Variants in GIMAP7 observed in about 807,000 individuals in gnomAD.
GIMAP7 encodes the protein GTPase, IMAP family member 7, also known as GTPase IMAP family member 7.
For synonymous variants in GIMAP7, 137 were observed against 129.3 expected, an observed-to-expected ratio of 1.06 and a Z score of -0.40; for missense variants, 323 against 359.7, an observed-to-expected ratio of 0.90 and a Z score of 0.83.
intron 1 of GIMAP7, among the ~76,000 whole-genome samples, chr7:150,516,375 T>C (rs986855106): frequency 3.3e-5 from 5 of 152,248 alleles, no homozygotes; most frequent in African/African-American, 1.2e-4. Flanking sequence ...TGTTCAAATA[T>C]CTGCTCCTAT....
In GIMAP7 at chr7:150,520,796, AG is replaced by A; in HGVS notation, c.823del (p.Asp275MetfsTer30). The part of the protein sequence containing the change: ...REEAERNIFK[D>X]VFNRIWKMLS... The stretch of plus-strand genomic sequence containing the variant: ...AAGAAGCTGAGAGAAATATATTTAA[AG>A]ATGTTTTTAATAGGATTTGGAAGAT... On this transcript the variant is annotated frameshift_variant, in exon 2 of 2. Coordinates refer to ENST00000313543, the MANE Select transcript of GIMAP7 (RefSeq NM_153236.4). LOFTEE classifies it low-confidence loss of function (END_TRUNC). 2 of 1,521,810 alleles carry A rather than the reference AG, an allele frequency of 1.3e-6. No homozygotes were observed. Among genetic ancestry groups the A allele is most frequent in the Non-Finnish European group, 1.8e-6 (2 of 1,125,230 alleles). 94.3% of individuals were successfully genotyped at this position (1,521,810 alleles called of 1,614,324 possible).
At position 150,518,690 on chromosome 7, in the gene GIMAP7, T is replaced by C. The variant is rs1795158002; in HGVS notation, c.-41-1244T>C. On this transcript the variant is annotated intron_variant, in intron 1 of 1. Transcript: ENST00000313543. ...GGTGTTGTATGCCTTACATAATTTT[T>C]TGGATTTTTGTGTAATCAAACTTAT... Among the ~76,000 whole-genome samples the C allele has an allele frequency of 2.0e-5, 3 of 152,130 alleles. No individual in the cohort carries two copies. The South Asian group carries it at 6.2e-4, about 31-fold the overall frequency.
chr7:150,520,297 A>C lies in GIMAP7; in HGVS notation c.323A>C (p.Glu108Ala). 1 of 1,614,056 alleles carries C rather than the reference A, an allele frequency of 6.2e-7. No homozygotes were observed. ...CTGCTGGGCCGCTACACAGAGGAGG[A>C]GCAGAAAACCGTTGCATTGATCAAG... ...VLLLGRYTEE[E>A]QKTVALIKAV... Residue 108 changes from glutamate (E) to alanine (A), a missense_variant, in exon 2 of 2, where the codon GAG (glutamate) becomes GCG (alanine). Coordinates refer to ENST00000313543, the MANE Select transcript of GIMAP7 (RefSeq NM_153236.4).
chr7:150,520,775 A>G lies in GIMAP7; in HGVS notation c.801A>G (p.Glu267=), dbSNP rs776195394. 9 of 1,499,552 alleles carry G rather than the reference A, an allele frequency of 6.0e-6. No individual in the cohort carries two copies. The East Asian group carries it at 1.8e-4, about 30-fold the overall frequency. The allele number at this position is 1,499,552 out of a possible 1,614,324, so 92.9% of individuals were successfully genotyped here. A position where few individuals can be genotyped will look rare whatever the true frequency, so the allele number is the denominator to read the frequency against. The change falls in exon 2 of 2, where the codon GAA becomes GAG. Residue 267 remains glutamate (E), a synonymous_variant. Coordinates refer to ENST00000313543, the MANE Select transcript of GIMAP7 (RefSeq NM_153236.4). ...YDEKIKNIRE[E]AERNIFKDVF... ...AAAAAATAAAAAATATAAGGGAAGAAGCTGAGAGAAATATATTTAAAGATG... is the reference window on the plus strand; with the variant it reads ...AAAAAATAAAAAATATAAGGGAAGAGGCTGAGAGAAATATATTTAAAGATG...
chr7:150,516,081 G>C (rs1358969865), intron 1 of GIMAP7, among the ~76,000 whole-genome samples: 1 of 151,986 alleles, frequency 6.6e-6, no homozygotes, highest in African/African-American at 2.4e-5. Flanking sequence ...AGTGACCAGG[G>C]GCATGTTTCC....
intron 1 of GIMAP7, among the ~76,000 whole-genome samples, chr7:150,516,080 G>A (rs1795134606): frequency 6.6e-6 from 1 of 152,004 alleles, no homozygotes; most frequent in South Asian, 2.1e-4. Context: ...CAGTGACCAG[G>A]GGCATGTTTC....
At chr7:150,518,783 A>G (rs917307292) in intron 1 of GIMAP7, among the ~76,000 whole-genome samples, 1 of 152,078 alleles carries the variant, frequency 6.6e-6, no homozygotes, top group African/African-American at 2.4e-5. Flanking sequence ...GTTACAAAAA[A>G]TTTACCCGTG....
chr7:150,518,591 G>A (rs1795157167), intron 1 of GIMAP7, among the ~76,000 whole-genome samples: 1 of 151,970 alleles, frequency 6.6e-6, no homozygotes, highest in Admixed American at 6.6e-5. Flanking sequence ...CATACAGTAG[G>A]AAAAGTAGCC....
intron 1 of GIMAP7, among the ~76,000 whole-genome samples, chr7:150,518,849 G>A (rs752114539): frequency 2.7e-4 from 41 of 151,892 alleles, no homozygotes; most frequent in African/African-American, 9.7e-4. Flanking sequence ...GATCTATTTG[G>A]AATTTGTATG....
rs902392763 is a variant in GIMAP7, at chr7:150,514,945, G to C, written c.-42G>C. ...TGAAAATTCAACTTGTTCAAGAGAA[G>C]GTGAGCCTGGCTGAGAAGAGGGTCT... On this transcript the variant is annotated splice_region_variant and 5_prime_UTR_variant, in exon 1 of 2. Transcript: ENST00000313543. 1 of 152,594 alleles carries C rather than the reference G, an allele frequency of 6.6e-6. No individual in the cohort carries two copies. Among genetic ancestry groups the C allele is most frequent in the Non-Finnish European group, 1.5e-5 (1 of 68,216 alleles). The allele number at this position is 152,594 out of a possible 1,614,324, so 9.5% of individuals were successfully genotyped here.
At chr7:150,516,228 G>A (rs1021974379) in intron 1 of GIMAP7, among the ~76,000 whole-genome samples, 1 of 152,190 alleles carries the variant, frequency 6.6e-6, no homozygotes. Flanking sequence ...TGCAGTCTCT[G>A]CTCGATAGTG....
At chr7:150,515,959 A>C (rs1795133448) in intron 1 of GIMAP7, among the ~76,000 whole-genome samples, 1 of 152,262 alleles carries the variant, frequency 6.6e-6, no homozygotes, top group Middle Eastern at 3.4e-3. Flanking sequence ...ATTTAGAATC[A>C]TGGCCTGAGA....
At position 150,520,962 on chromosome 7, in the gene GIMAP7, T is replaced by A; in HGVS notation, c.*85T>A. On this transcript the variant is annotated 3_prime_UTR_variant, in exon 2 of 2. Transcript: ENST00000313543. ...CCTTCCCCTTAGCTTTATTAAGGTATCATTGATAAATAAAAATAAAATATG... is the reference window on the plus strand; with the variant it reads ...CCTTCCCCTTAGCTTTATTAAGGTAACATTGATAAATAAAAATAAAATATG... The A allele has an allele frequency of 1.8e-6, 1 of 546,834 alleles. No homozygotes were observed. Among genetic ancestry groups the A allele is most frequent in the South Asian group, 5.3e-5 (1 of 18,974 alleles). The allele number at this position is 546,834 out of a possible 1,614,324, so 33.9% of individuals were successfully genotyped here.
At chr7:150,518,829 T>G (rs901609740) in intron 1 of GIMAP7, among the ~76,000 whole-genome samples, 4 of 152,144 alleles carry the variant, frequency 2.6e-5, no homozygotes, top group Non-Finnish European at 4.4e-5. Context: ...GTTTTTGCAT[T>G]CAAATTTCTG....
At chr7:150,516,173 A>T (rs562630581) in intron 1 of GIMAP7, among the ~76,000 whole-genome samples, 48 of 152,346 alleles carry the variant, frequency 3.2e-4, no homozygotes, top group African/African-American at 9.6e-4. Flanking sequence ...ATTTTTGAAG[A>T]ATAAACGAGA....
At chr7:150,518,627 G>C (rs928728534) in intron 1 of GIMAP7, among the ~76,000 whole-genome samples, 1 of 138,890 alleles carries the variant, frequency 7.2e-6, no homozygotes, top group East Asian at 2.1e-4. Flanking sequence ...CGGAAAAAAT[G>C]TTTTCCTAGT....
At chr7:150,518,109 C>G (rs1249296094) in intron 1 of GIMAP7, among the ~76,000 whole-genome samples, 1 of 151,988 alleles carries the variant, frequency 6.6e-6, no homozygotes, top group Non-Finnish European at 1.5e-5. Flanking sequence ...TTGTACTTTT[C>G]TGTATGAATA....
At chr7:150,517,013 A>G (rs1050646520) in intron 1 of GIMAP7, among the ~76,000 whole-genome samples, 1 of 152,254 alleles carries the variant, frequency 6.6e-6, no homozygotes, top group Non-Finnish European at 1.5e-5. Context: ...ATGATATTCT[A>G]TCATTCTTTA....
chr7:150,520,665 G>C lies in GIMAP7; in HGVS notation c.691G>C (p.Glu231Gln). The part of the protein sequence containing the change: ...RKIYTDQLNE[E>Q]IKLVEEDKHK... ...AATCTACACTGACCAATTAAATGAA[G>C]AAATTAAACTAGTAGAAGAGGATAA... Residue 231 changes from glutamate (E) to glutamine (Q), a missense_variant, in exon 2 of 2, where the codon GAA becomes CAA. By Grantham distance (29) the Glu-to-Gln change is conservative. Transcript: ENST00000313543. 1 of 1,609,918 alleles carries C rather than the reference G, an allele frequency of 6.2e-7. No homozygotes were observed. Among genetic ancestry groups the C allele is most frequent in the Non-Finnish European group, 8.5e-7 (1 of 1,176,550 alleles).
Sources: allele counts gnomAD v4.1 joint callset (sites outside exome capture counted in the v4.1 genomes callset), GRCh38; gene constraint gnomAD v4.1.1; transcripts MANE v1.5; gene names NCBI Gene and HGNC (gene_info 2026-07-23, HGNC 2026-07-21).